Variants in MYT1L observed in about 807,000 individuals in gnomAD.
MYT1L encodes the protein myelin transcription factor 1-like protein.
In MYT1L, 12 loss-of-function variants were observed where a neutral mutation model predicts 126.7. The observed-to-expected ratio is 0.09, with a 90% CI of 0.06 to 0.15. The LOEUF (loss-of-function observed/expected upper bound fraction) is 0.15. Among genes scored for constraint, MYT1L ranks in the 10% least tolerant of loss-of-function variants. The pLI is 1.00. For missense variants in MYT1L, 979 were observed against 1,585.2 expected (o/e 0.62, Z 6.49); for synonymous variants, 541 against 604.2 (o/e 0.90, Z 1.53).
At chr2:2,085,344 A>G (rs1383381858) in intron 3 of MYT1L, among the ~76,000 whole-genome samples, 2 of 152,038 alleles carry the variant, frequency 1.3e-5, no homozygotes, top group South Asian at 2.1e-4. Context: ...TTTGGCACAA[A>G]TATTTCCATC....
At chr2:1,884,858 C>T (rs966784020) in intron 18 of MYT1L, among the ~76,000 whole-genome samples, 2 of 152,158 alleles carry the variant, frequency 1.3e-5, no homozygotes, top group African/African-American at 2.4e-5. Context: ...CCGGCTCCCT[C>T]GGAAAATGCT....
intron 3 of MYT1L, among the ~76,000 whole-genome samples, chr2:2,098,853 T>C (rs1370723508): frequency 2.0e-5 from 3 of 152,212 alleles, no homozygotes; most frequent in Non-Finnish European, 4.4e-5. Flanking sequence ...TTAAGTGCAG[T>C]CTGGAGCTTC....
intron 4 of MYT1L, among the ~76,000 whole-genome samples, chr2:2,002,888 G>A (rs1470933223): frequency 6.6e-6 from 1 of 152,030 alleles, no homozygotes; most frequent in Non-Finnish European, 1.5e-5. Context: ...TCTCCTTCCT[G>A]CCACCTTGTG....
At chr2:2,117,555 G>A (rs2080378393) in intron 3 of MYT1L, among the ~76,000 whole-genome samples, 1 of 152,122 alleles carries the variant, frequency 6.6e-6, no homozygotes, top group Admixed American at 6.6e-5. Flanking sequence ...CCCTCACTCT[G>A]GTATTGGGCA....
At chr2:1,891,879 GAAGC>G (rs2048926044) in intron 15 of MYT1L, among the ~76,000 whole-genome samples, 154 bp downstream of exon 15, 1 of 152,150 alleles carries the variant, frequency 6.6e-6, no homozygotes, top group African/African-American at 2.4e-5. Context: ...TGCGTTAAGG[GAAGC>G]TGCACTAATT....
At position 1,979,361 on chromosome 2, in the gene MYT1L, C is replaced by T. The variant is rs1053543194; in HGVS notation, c.90-134G>A. On this transcript the variant is annotated intron_variant, in intron 7 of 24. Coordinates refer to ENST00000647738, the MANE Select transcript of MYT1L (RefSeq NM_001303052.2). The surrounding 1 kb of genome is among the most constrained non-coding windows in gnomAD (Gnocchi z 4.0). ...ACACAATCCAAAGGAGGGGGAAATT[C>T]GGGGAGGCTTTTTACGAGCAAGTCT... 10 of 1,097,242 alleles carry T rather than the reference C, an allele frequency of 9.1e-6. No homozygotes were observed. The highest frequency in any genetic ancestry group is 2.7e-5 in the South Asian group (2 of 74,990). The allele number at this position is 1,097,242 out of a possible 1,614,324, so 68.0% of individuals were successfully genotyped here.
intron 2 of MYT1L, among the ~76,000 whole-genome samples, chr2:2,272,890 C>T (rs148423848): frequency 0.019 from 2,925 of 152,254 alleles, 266 homozygotes; most frequent in Admixed American, 0.16. Flanking sequence ...ACCTCCAGGG[C>T]GTCCAGGTGT....
chr2:1,913,810 C>T (rs1314683528), intron 11 of MYT1L, among the ~76,000 whole-genome samples: 1 of 152,134 alleles, frequency 6.6e-6, no homozygotes, highest in Non-Finnish European at 1.5e-5. Context: ...CCTGAATCCT[C>T]CTGAGGTGGA....
At chr2:2,169,434 C>T (rs2089668936) in intron 3 of MYT1L, among the ~76,000 whole-genome samples, 1 of 152,204 alleles carries the variant, frequency 6.6e-6, no homozygotes, top group Non-Finnish European at 1.5e-5. Flanking sequence ...GGCTAAATCA[C>T]ATATGATACA....
chr2:1,974,889 T>C (rs2060052057), intron 8 of MYT1L: 2 of 152,230 alleles, frequency 1.3e-5, no homozygotes, highest in African/African-American at 4.8e-5. Flanking sequence ...TTTACCATTG[T>C]AGTTGTACAT....
Position 1,892,246 on chromosome 2 carries a change from TGCTGCTGCTGCTGGG to T in MYT1L, c.2059_2073del (p.Pro687_Ser691del). The T allele has an allele frequency of 1.9e-6, 3 of 1,547,528 alleles. No individual in the cohort carries two copies. The highest frequency in any genetic ancestry group is 2.6e-6 in the Non-Finnish European group (3 of 1,144,982). ...CTGCTGCTGGGCGCGTAGCTGCTGG[TGCTGCTGCTGCTGGG>T]GCTGGGGTCCTTGCAGTACCGCTTC... On this transcript the variant is annotated inframe_deletion, in exon 15 of 25. Coordinates refer to ENST00000647738, the MANE Select transcript of MYT1L (RefSeq NM_001303052.2).
rs182492901 is a variant in MYT1L, at chr2:2,321,292, C to T, written c.-521+9675G>A. ...CACCGGCAGATGCGGCACTGATTTCCGAATGTTCACAATCTACCAGGCAGC... is the reference window on the plus strand; with the variant it reads ...CACCGGCAGATGCGGCACTGATTTCTGAATGTTCACAATCTACCAGGCAGC... On this transcript the variant is annotated intron_variant, in intron 1 of 24. Transcript: ENST00000647738. Among the ~76,000 whole-genome samples, 1,106 of 152,240 alleles carry T rather than the reference C, an allele frequency of 7.3e-3. 9 individuals are homozygous for T. The highest frequency in any genetic ancestry group is 0.011 in the Non-Finnish European group (748 of 68,012).
chr2:2,320,002 C>A (rs1199459500), intron 1 of MYT1L, among the ~76,000 whole-genome samples: 1 of 152,134 alleles, frequency 6.6e-6, no homozygotes, highest in Admixed American at 6.5e-5. Context: ...TAGAAGAGGA[C>A]AGTGAGGAGA....
intron 3 of MYT1L, among the ~76,000 whole-genome samples, chr2:2,078,275 A>C (rs1163296212): frequency 1.3e-5 from 2 of 152,180 alleles, no homozygotes; most frequent in Admixed American, 1.3e-4. Context: ...GAAATAGAGG[A>C]ATAAAGCAGA....
chr2:1,875,491 T>C (rs372621402), intron 18 of MYT1L, among the ~76,000 whole-genome samples: 7 of 152,342 alleles, frequency 4.6e-5, no homozygotes, highest in African/African-American at 1.7e-4. Context: ...CTTCAAGCCT[T>C]GTGGTGAAAT....
intron 3 of MYT1L, among the ~76,000 whole-genome samples, chr2:2,154,150 C>T (rs1341689070): frequency 6.6e-6 from 1 of 152,174 alleles, no homozygotes; most frequent in South Asian, 2.1e-4. Flanking sequence ...CTGTTCTCTA[C>T]TCCTGTTTGC....
intron 3 of MYT1L, among the ~76,000 whole-genome samples, chr2:2,129,426 A>T (rs1381546799): frequency 1.3e-5 from 2 of 152,206 alleles, no homozygotes. Context: ...AGTTTGATTG[A>T]AAAGAATGAA....
chr2:2,139,118 C>T (rs532707898), intron 3 of MYT1L, among the ~76,000 whole-genome samples: 3 of 151,812 alleles, frequency 2.0e-5, no homozygotes, highest in East Asian at 2.0e-4. Context: ...TACCAAGAGG[C>T]GTGAATCTAA....
At chr2:2,009,992 T>C (rs2063677983) in intron 4 of MYT1L, among the ~76,000 whole-genome samples, 1 of 152,050 alleles carries the variant, frequency 6.6e-6, no homozygotes, top group Non-Finnish European at 1.5e-5. Flanking sequence ...TTAAAATCTT[T>C]CATTCTGTTA....
Sources: gnomAD v4.1 joint callset for allele counts (sites outside exome capture counted in the v4.1 genomes callset) on GRCh38, gnomAD v4.1.1 for gene constraint, Gnocchi (gnomAD v3.1) non-coding constraint, MANE v1.5 for transcripts, NCBI Gene and HGNC (gene_info 2026-07-23, HGNC 2026-07-21) for gene names.